FAF1: variants seen among roughly 807,000 people sequenced by gnomAD.
The protein encoded by FAF1 is Fas associated factor 1, also known as FAS-associated factor 1.
FAF1 carries 25 observed loss-of-function variants against 92.5 expected under a neutral mutation model. That is an observed-to-expected ratio of 0.27 (90% CI 0.20 to 0.38). The LOEUF is 0.38. FAF1 is among the 10% of genes least tolerant of loss of function. FAF1 has a pLI of 1.00. For synonymous variants in FAF1, 234 were observed against 273.2 expected, an observed-to-expected ratio of 0.86 and a Z score of 1.42; for missense variants, 636 against 793.3, an observed-to-expected ratio of 0.80 and a Z score of 2.38.
intron 7 of FAF1, among the ~76,000 whole-genome samples, chr1:50,692,953 T>C (rs1438848907): frequency 1.3e-5 from 2 of 152,218 alleles, no homozygotes; most frequent in Non-Finnish European, 2.9e-5. Flanking sequence ...GTTCTTCATA[T>C]ATCCTAGATA....
intron 13 of FAF1, among the ~76,000 whole-genome samples, chr1:50,551,000 C>T (rs1649286520): frequency 6.6e-6 from 1 of 152,146 alleles, no homozygotes; most frequent in South Asian, 2.1e-4. Flanking sequence ...GATTATATGC[C>T]TATGACATGT....
chr1:50,729,062 T>A (rs372971256), intron 6 of FAF1, among the ~76,000 whole-genome samples: 12 of 127,772 alleles, frequency 9.4e-5, no homozygotes, highest in Non-Finnish European at 1.3e-4. Context: ...ATATATATTT[T>A]TTTTTTTTTT....
intron 2 of FAF1, among the ~76,000 whole-genome samples, chr1:50,815,570 T>A (rs1643961589): frequency 6.6e-6 from 1 of 152,224 alleles, no homozygotes; most frequent in Non-Finnish European, 1.5e-5. Context: ...TACCTAGTAA[T>A]AGCATTGCTG....
chr1:50,603,692 C>G, intron 8 of FAF1, among the ~76,000 whole-genome samples: 1 of 152,092 alleles, frequency 6.6e-6, no homozygotes, highest in East Asian at 1.9e-4. Context: ...TAATTTGTGG[C>G]AGGTTGAAGC....
intron 1 of FAF1, among the ~76,000 whole-genome samples, chr1:50,902,774 T>G (rs1200303316): frequency 6.6e-6 from 1 of 152,334 alleles, no homozygotes; most frequent in South Asian, 2.1e-4. Flanking sequence ...GTAAATGATA[T>G]GTAAGTAGCT....
rs138529130 is a variant in FAF1, at chr1:50,885,342, T to TCTCCCC, written c.46-27346_46-27345insGGGGAG. On this transcript the variant is annotated intron_variant, in intron 1 of 18. Coordinates refer to ENST00000396153, the MANE Select transcript of FAF1 (RefSeq NM_007051.3). ...CACACACACTCTCTCTCTCTCTCTC[T>TCTCCCC]CAATATTTGCTTTACATATCTAGGT... is the stretch of plus-strand genomic sequence containing the variant. 2.7e-4 allele frequency among the ~76,000 whole-genome samples: 38 copies of TCTCCCC among 140,860 alleles called. No homozygotes were observed. The East Asian group carries it at 6.5e-3, about 24-fold the overall frequency. The allele number at this position is 140,860 out of a possible 152,430, so 92.4% of individuals were successfully genotyped here.
chr1:50,758,338 G>A (rs1660164500), intron 4 of FAF1, among the ~76,000 whole-genome samples: 1 of 152,196 alleles, frequency 6.6e-6, no homozygotes, highest in Admixed American at 6.5e-5. Context: ...AAAGGCATAA[G>A]CCACCACGCC....
At chr1:50,754,827 C>T (rs954021528) in intron 4 of FAF1, among the ~76,000 whole-genome samples, 1 of 152,108 alleles carries the variant, frequency 6.6e-6, no homozygotes, top group African/African-American at 2.4e-5. Context: ...GAGCAAGTCA[C>T]ATCTTACATG....
intron 12 of FAF1, among the ~76,000 whole-genome samples, chr1:50,573,111 T>TA (rs1650527784): frequency 6.8e-6 from 1 of 147,500 alleles, no homozygotes; most frequent in Non-Finnish European, 1.5e-5. Context: ...TTTCTTTTCT[T>TA]TTTTTTTTTT....
At chr1:50,915,648 A>G (rs1174117744) in intron 1 of FAF1, among the ~76,000 whole-genome samples, 1 of 152,028 alleles carries the variant, frequency 6.6e-6, no homozygotes, top group Non-Finnish European at 1.5e-5. Flanking sequence ...TTAATCCACA[A>G]GGAACCTCCC....
intron 6 of FAF1, among the ~76,000 whole-genome samples, chr1:50,720,773 C>A (rs1658374890): frequency 6.6e-6 from 1 of 152,132 alleles, no homozygotes; most frequent in East Asian, 1.9e-4. Context: ...CAGATGATCA[C>A]CTCTTCTTCT....
intron 8 of FAF1, among the ~76,000 whole-genome samples, chr1:50,641,048 G>C (rs1654304002): frequency 1.3e-5 from 2 of 151,904 alleles, no homozygotes; most frequent in South Asian, 4.2e-4. Flanking sequence ...TGGCCAGGAT[G>C]GTCTCGATCT....
rs149185104 is a variant in FAF1, at chr1:50,882,372, T to A, written c.46-24375A>T. 3.9e-3 allele frequency among the ~76,000 whole-genome samples: 588 copies of A among 151,696 alleles called. 1 individual carries two copies. The highest frequency in any genetic ancestry group is 0.013 in the African/African-American group (555 of 41,336). ...ACTTTGGGAGGCCAAGGCGGGTGGA[T>A]TACTTGAGGTCAGGAGTTTGAGATC... On this transcript the variant is annotated intron_variant, in intron 1 of 18. Coordinates refer to ENST00000396153, the MANE Select transcript of FAF1 (RefSeq NM_007051.3).
At chr1:50,726,311 A>T (rs1424816932) in intron 6 of FAF1, among the ~76,000 whole-genome samples, 2 of 152,132 alleles carry the variant, frequency 1.3e-5, no homozygotes, top group Non-Finnish European at 2.9e-5. Flanking sequence ...AAAAGATAAA[A>T]GTTCAATAGC....
At chr1:50,561,844 T>TGGAAGGAAGGAAGGAA (rs1557995999) in intron 13 of FAF1, among the ~76,000 whole-genome samples, 1 of 94,270 alleles carries the variant, frequency 1.1e-5, no homozygotes, top group Non-Finnish European at 2.4e-5. Context: ...GATGGACGGA[T>TGGAAGGAAGGAAGGAA]GGACGGAAGG....
intron 1 of FAF1, among the ~76,000 whole-genome samples, chr1:50,877,183 C>T (rs1335842023): frequency 1.3e-5 from 2 of 152,156 alleles, no homozygotes; most frequent in Non-Finnish European, 2.9e-5. Context: ...AACCTAACAA[C>T]GCTCAGTCAG....
intron 7 of FAF1, among the ~76,000 whole-genome samples, chr1:50,667,782 TC>T (rs1457832668): frequency 1.3e-5 from 2 of 152,350 alleles, no homozygotes; most frequent in South Asian, 2.1e-4. Context: ...AGATTTTTTT[TC>T]CTTGAAGAAA....
chr1:50,582,371 A>C, intron 12 of FAF1: 1 of 408,090 alleles, frequency 2.5e-6, no homozygotes, highest in Non-Finnish European at 4.4e-6. Flanking sequence ...GAAACAAATA[A>C]AGTCTCCAAT....
At chr1:50,959,559 C>A in intron 1 of FAF1, 1 of 368,834 alleles carries the variant, frequency 2.7e-6, no homozygotes, top group Non-Finnish European at 5.2e-6. Flanking sequence ...CCATTCAACC[C>A]GTACTTAACA....
Sources: allele counts gnomAD v4.1 joint callset (sites outside exome capture counted in the v4.1 genomes callset), GRCh38; gene constraint gnomAD v4.1.1; transcripts MANE v1.5; gene names NCBI Gene and HGNC (gene_info 2026-07-23, HGNC 2026-07-21).